CDK19: variants seen among roughly 807,000 people sequenced by gnomAD.
CDK19 encodes the protein cyclin dependent kinase 19, also known as cyclin-dependent kinase 19.
Under a neutral mutation model 68.3 loss-of-function variants are expected in CDK19, and 20 were observed. The ratio of observed to expected loss-of-function variants is 0.29; its 90% CI spans 0.21 to 0.43. CDK19 has a LOEUF of 0.43. CDK19 is among the 20% of genes least tolerant of loss of function. The pLI, the probability that CDK19 is intolerant of heterozygous loss-of-function variation, is 1.00. For missense variants in CDK19, 339 were observed against 623.5 expected, an observed-to-expected ratio of 0.54 and a Z score of 4.86; for synonymous variants, 221 against 222.8, an observed-to-expected ratio of 0.99 and a Z score of 0.07.
intron 1 of CDK19, among the ~76,000 whole-genome samples, chr6:110,806,697 G>A (rs1038335030): frequency 1.2e-4 from 19 of 152,314 alleles, no homozygotes; most frequent in Admixed American, 7.8e-4. Flanking sequence ...TAAAATATGG[G>A]CCAAGCACTG....
intron 3 of CDK19, among the ~76,000 whole-genome samples, chr6:110,668,002 GA>G (rs1412991429): frequency 6.6e-6 from 1 of 152,124 alleles, no homozygotes; most frequent in Non-Finnish European, 1.5e-5. Context: ...TGAATTATTG[GA>G]AAAGTTTCAT....
At chr6:110,674,020 C>G (rs1771252713) in intron 2 of CDK19, among the ~76,000 whole-genome samples, 1 of 152,198 alleles carries the variant, frequency 6.6e-6, no homozygotes, top group South Asian at 2.1e-4. Context: ...ATTTTTCCAA[C>G]AGCATGAAGC....
intron 1 of CDK19, among the ~76,000 whole-genome samples, chr6:110,793,781 T>G (rs1781752233): frequency 6.6e-6 from 1 of 152,130 alleles, no homozygotes; most frequent in African/African-American, 2.4e-5. Flanking sequence ...TCTTCCTGAC[T>G]AGAATGTGAA....
chr6:110,749,609 C>T (rs1778324556), intron 1 of CDK19, among the ~76,000 whole-genome samples: 1 of 151,728 alleles, frequency 6.6e-6, no homozygotes, highest in Admixed American at 6.6e-5. Flanking sequence ...ATCCGCCCAC[C>T]TCAGCCTCCC....
At chr6:110,749,681 C>A (rs901150728) in intron 1 of CDK19, among the ~76,000 whole-genome samples, 1 of 151,886 alleles carries the variant, frequency 6.6e-6, no homozygotes, top group African/African-American at 2.4e-5. Flanking sequence ...ATTTTTGATG[C>A]AAACAATTCT....
In CDK19 at chr6:110,621,118, G is replaced by T. The variant is rs1228619572; in HGVS notation, c.1363C>A (p.Pro455Thr). 3.1e-6 allele frequency: 5 copies of T among 1,613,194 alleles called. No homozygotes were observed. The highest frequency in any genetic ancestry group is 1.7e-4 in the Middle Eastern group (1 of 6,058). The change falls in exon 12 of 13, where the codon CCC (proline) becomes ACC (threonine). Residue 455 changes from proline to threonine, a missense_variant. Coordinates refer to ENST00000368911, the MANE Select transcript of CDK19 (RefSeq NM_015076.5). This position sits in a 1 kb window ranked among gnomAD's most constrained non-coding sequence, Gnocchi z 5.4. The part of the protein sequence containing the change: ...SGANSGGPVM[P>T]SDYQHSSSRL... ...TCAGGGAGTACCTGATAATCCGAGG[G>T]CATCACAGGTCCACCTGAGTTTGCG...
intron 2 of CDK19, among the ~76,000 whole-genome samples, chr6:110,715,338 T>C (rs1481859599): frequency 6.6e-6 from 1 of 152,170 alleles, no homozygotes; most frequent in Admixed American, 6.5e-5. Flanking sequence ...ACTTGGTCAT[T>C]TAAACTAAAC....
Position 110,712,990 on chromosome 6 carries a change from A to G in CDK19, c.204+33136T>C, listed in dbSNP as rs183712134. ...TTTGGGAGGCTGAGGCAGGCAGATC[A>G]TGAGGTCAGGAGATTGGCCAACATG... On this transcript the variant is annotated intron_variant, in intron 2 of 12. Transcript: ENST00000368911. Among the ~76,000 whole-genome samples, 33 of 151,994 alleles carry G rather than the reference A, an allele frequency of 2.2e-4. 2 individuals carry two copies. The East Asian group carries it at 6.4e-3, about 29-fold the overall frequency.
intron 2 of CDK19, among the ~76,000 whole-genome samples, chr6:110,728,311 A>C (rs1382649153): frequency 6.6e-6 from 1 of 151,486 alleles, no homozygotes; most frequent in African/African-American, 2.4e-5. Context: ...AAAGAGAGAG[A>C]GAGAAAGAGC....
chr6:110,739,403 A>G (rs890704779), intron 2 of CDK19, among the ~76,000 whole-genome samples: 6 of 152,108 alleles, frequency 3.9e-5, no homozygotes, highest in Non-Finnish European at 5.9e-5. Flanking sequence ...ATGGGCCTTG[A>G]TCCTGGACTT....
At chr6:110,802,915 A>G (rs1313934313) in intron 1 of CDK19, among the ~76,000 whole-genome samples, 1 of 152,188 alleles carries the variant, frequency 6.6e-6, no homozygotes, top group Non-Finnish European at 1.5e-5. Context: ...AAAATTGCCT[A>G]AAGTTGATAA....
At chr6:110,767,108 G>A (rs1383495883) in intron 1 of CDK19, among the ~76,000 whole-genome samples, 1 of 151,832 alleles carries the variant, frequency 6.6e-6, no homozygotes, top group Admixed American at 6.6e-5. Flanking sequence ...ACTCCAGCCT[G>A]GGCGACAGAG....
intron 1 of CDK19, among the ~76,000 whole-genome samples, chr6:110,761,288 C>T (rs560462921): frequency 6.6e-6 from 1 of 152,192 alleles, no homozygotes; most frequent in South Asian, 2.1e-4. Context: ...GTGAAGATAG[C>T]ACAGGCAACT....
chr6:110,678,052 T>C (rs561897799), intron 2 of CDK19, among the ~76,000 whole-genome samples: 55 of 152,240 alleles, frequency 3.6e-4, no homozygotes, highest in African/African-American at 1.3e-3. Context: ...ATCACTTTGT[T>C]GTCCAGGCTA....
intron 3 of CDK19, among the ~76,000 whole-genome samples, chr6:110,668,317 C>T (rs893988786): frequency 6.6e-6 from 1 of 152,106 alleles, no homozygotes; most frequent in African/African-American, 2.4e-5. Context: ...GCAAACAATA[C>T]TGATGAAATT....
intron 1 of CDK19, 56 bp from the exon 2 acceptor site, chr6:110,746,257 T>C: frequency 9.5e-7 from 1 of 1,053,764 alleles, no homozygotes; most frequent in Non-Finnish European, 1.4e-6. Flanking sequence ...GATTCAAAAT[T>C]ATAACTACAA....
chr6:110,617,318 G>A (rs1314487827), intron 12 of CDK19, among the ~76,000 whole-genome samples: 4 of 152,164 alleles, frequency 2.6e-5, no homozygotes, highest in African/African-American at 9.7e-5. Context: ...TGTCCCAGAG[G>A]GGGTCCTGCC....
At chr6:110,628,588 A>G (rs540449999) in intron 6 of CDK19, among the ~76,000 whole-genome samples, 1 of 152,340 alleles carries the variant, frequency 6.6e-6, no homozygotes, top group African/African-American at 2.4e-5. Context: ...TAGATCAAAA[A>G]AACATAGTAT....
At chr6:110,807,798 C>CTTTTTTTTATAAAACCTTTTT (rs1782785409) in intron 1 of CDK19, among the ~76,000 whole-genome samples, 1 of 151,356 alleles carries the variant, frequency 6.6e-6, no homozygotes, top group Non-Finnish European at 1.5e-5. Context: ...TATTTACAAA[C>CTTTTTTTTATAAAACCTTTTT]TTTTTTTTAT....
Sources: gnomAD v4.1 joint callset for allele counts (sites outside exome capture counted in the v4.1 genomes callset) on GRCh38, gnomAD v4.1.1 for gene constraint, Gnocchi (gnomAD v3.1) non-coding constraint, MANE v1.5 for transcripts, NCBI Gene and HGNC (gene_info 2026-07-23, HGNC 2026-07-21) for gene names.